The following KCNMA1 variants were observed in gnomAD, a reference collection of about 807,000 sequenced individuals.
KCNMA1 encodes Calcium-activated potassium channel subunit alpha-1.
A neutral mutation model predicts 140.0 loss-of-function variants in KCNMA1; 29 were observed. The ratio of observed to expected loss-of-function variants is 0.21; its 90% CI spans 0.15 to 0.28. KCNMA1 has a LOEUF of 0.28. Ranked by LOEUF, KCNMA1 falls within the 10% of genes least tolerant of loss-of-function variation. The pLI is 1.00. For synonymous variants in KCNMA1, 612 were observed against 611.9 expected, an observed-to-expected ratio of 1.00 and a Z score of 0.00; for missense variants, 880 against 1,602.2, an observed-to-expected ratio of 0.55 and a Z score of 7.70.
chr10:77,554,793 A>G (rs1032057078), intron 1 of KCNMA1, among the ~76,000 whole-genome samples: 2 of 152,068 alleles, frequency 1.3e-5, no homozygotes, highest in Non-Finnish European at 2.9e-5. Flanking sequence ...TCCTCCGCAC[A>G]TGGAAGAGCC....
intron 25 of KCNMA1, among the ~76,000 whole-genome samples, chr10:76,892,969 G>T (rs1387243569): frequency 6.6e-6 from 1 of 152,152 alleles, no homozygotes; most frequent in Admixed American, 6.5e-5. Flanking sequence ...TCCATAGCCT[G>T]CCAGACCCTA....
intron 1 of KCNMA1, among the ~76,000 whole-genome samples, chr10:77,446,870 T>C (rs1404945214): frequency 6.6e-6 from 1 of 152,234 alleles, no homozygotes; most frequent in Admixed American, 6.5e-5. Context: ...CCTCTCTTTC[T>C]ACCTCCATAC....
chr10:77,044,077 T>A lies in KCNMA1; in HGVS notation c.1750-4440A>T, dbSNP rs112620342. ...GAGAATCAGTAATTATAATTAATAC[T>A]GAGACCATTTAATCCTTAAGTCATG... On this transcript the variant is annotated intron_variant, in intron 14 of 27. Transcript: ENST00000286628. Among the ~76,000 whole-genome samples, 267 of 152,318 alleles carry A rather than the reference T, an allele frequency of 1.8e-3. 1 individual carries two copies. Among genetic ancestry groups the A allele is most frequent in the African/African-American group, 6.1e-3 (254 of 41,560 alleles).
At chr10:77,499,737 A>G (rs113063352) in intron 1 of KCNMA1, among the ~76,000 whole-genome samples, 11 of 152,324 alleles carry the variant, frequency 7.2e-5, no homozygotes, top group African/African-American at 2.6e-4. Context: ...AAGGAATTCA[A>G]CAACAGGAGA....
intron 1 of KCNMA1, among the ~76,000 whole-genome samples, chr10:77,418,341 G>A (rs908061993): frequency 6.6e-6 from 1 of 152,158 alleles, no homozygotes; most frequent in African/African-American, 2.4e-5. Context: ...CCTGGACGTC[G>A]AGAGAGACTC....
chr10:77,397,240 C>T (rs2096087691), intron 2 of KCNMA1, among the ~76,000 whole-genome samples: 1 of 152,152 alleles, frequency 6.6e-6, no homozygotes, highest in African/African-American at 2.4e-5. Context: ...AATCTCTTCG[C>T]CTCCAGCCCC....
chr10:77,107,769 TA>T (rs1233160162), intron 9 of KCNMA1, among the ~76,000 whole-genome samples: 1 of 152,160 alleles, frequency 6.6e-6, no homozygotes, highest in Non-Finnish European at 1.5e-5. Context: ...TTCAGCTGAG[TA>T]ATGAGTCCCT....
chr10:77,227,065 A>AC (rs1278621850), intron 3 of KCNMA1, among the ~76,000 whole-genome samples: 1 of 152,112 alleles, frequency 6.6e-6, no homozygotes, highest in Non-Finnish European at 1.5e-5. Context: ...TCTTTGCCAG[A>AC]CCATAGCATG....
intron 1 of KCNMA1, among the ~76,000 whole-genome samples, chr10:77,625,074 G>A (rs1298436739): frequency 2.6e-5 from 4 of 152,174 alleles, no homozygotes; most frequent in Non-Finnish European, 5.9e-5. Flanking sequence ...ATTTATAATT[G>A]TGGTGAAATA....
At chr10:77,545,133 T>C (rs2061135887) in intron 1 of KCNMA1, among the ~76,000 whole-genome samples, 1 of 152,222 alleles carries the variant, frequency 6.6e-6, no homozygotes, top group Admixed American at 6.5e-5. Context: ...AGTTCTGCTT[T>C]GAAGGAGTTC....
intron 5 of KCNMA1, among the ~76,000 whole-genome samples, chr10:77,153,810 C>T (rs2098452270): frequency 6.6e-6 from 1 of 152,098 alleles, no homozygotes; most frequent in Non-Finnish European, 1.5e-5. Flanking sequence ...GGTGTTGCAC[C>T]CTGCCCAAAG....
chr10:77,509,102 T>G (rs1463402027), intron 1 of KCNMA1, among the ~76,000 whole-genome samples: 3 of 16,790 alleles, frequency 1.8e-4, no homozygotes, highest in African/African-American at 5.7e-4. Flanking sequence ...TTGTTGGGTT[T>G]TGTTGTTGTT....
At chr10:77,049,184 G>A (rs900244779) in intron 14 of KCNMA1, among the ~76,000 whole-genome samples, 3 of 152,086 alleles carry the variant, frequency 2.0e-5, no homozygotes, top group Non-Finnish European at 4.4e-5. Flanking sequence ...TTCCCTTGAC[G>A]CTTCTATCAC....
chr10:76,971,964 A>AGGGTGTGT (rs936168256), intron 19 of KCNMA1, among the ~76,000 whole-genome samples: 1 of 140,970 alleles, frequency 7.1e-6, no homozygotes, highest in Non-Finnish European at 1.5e-5. Flanking sequence ...AAAGGCAGCG[A>AGGGTGTGT]GGGTGTGTGG....
At chr10:77,428,404 G>T (rs942663691) in intron 1 of KCNMA1, among the ~76,000 whole-genome samples, 70 of 152,182 alleles carry the variant, frequency 4.6e-4, no homozygotes, top group African/African-American at 1.7e-3. Context: ...GGACTGAGGG[G>T]GTGAAGAGCA....
At chr10:77,495,712 G>T (rs546257862) in intron 1 of KCNMA1, among the ~76,000 whole-genome samples, 8 of 152,264 alleles carry the variant, frequency 5.3e-5, no homozygotes, top group African/African-American at 1.7e-4. Flanking sequence ...ACAGCCTGCC[G>T]TGCTGGGCCA....
chr10:77,151,443 G>C (rs775669423), intron 5 of KCNMA1, among the ~76,000 whole-genome samples: 2 of 138,054 alleles, frequency 1.4e-5, no homozygotes, highest in Non-Finnish European at 3.1e-5. Flanking sequence ...GGTCAGGATG[G>C]TCTCGATCTC....
intron 19 of KCNMA1, chr10:76,974,547 A>C: frequency 6.5e-7 from 1 of 1,549,658 alleles, no homozygotes; most frequent in East Asian, 2.4e-5. Context: ...GGATCTTTGG[A>C]ATAGCGTGAT....
intron 15 of KCNMA1, among the ~76,000 whole-genome samples, chr10:77,030,421 A>T (rs935185887): frequency 1.3e-5 from 2 of 152,250 alleles, no homozygotes; most frequent in African/African-American, 2.4e-5. Flanking sequence ...TACCAAATTA[A>T]GTAACCACTT....
Sources: gnomAD v4.1 joint callset for allele counts (sites outside exome capture counted in the v4.1 genomes callset) on GRCh38, gnomAD v4.1.1 for gene constraint, MANE v1.5 for transcripts, NCBI Gene and HGNC (gene_info 2026-07-23, HGNC 2026-07-21) for gene names.